HS3ST4: variants seen among roughly 807,000 people sequenced by gnomAD.
HS3ST4 encodes the protein heparan sulfate-glucosamine 3-sulfotransferase 4, also known as heparan sulfate glucosamine 3-O-sulfotransferase 4.
A neutral mutation model predicts 29.2 loss-of-function variants in HS3ST4; 17 were observed. The ratio of observed to expected loss-of-function variants is 0.58; its 90% CI spans 0.40 to 0.87. HS3ST4 has a LOEUF of 0.87. Among genes scored for constraint, HS3ST4 ranks in the 40% least tolerant of loss-of-function variants. The pLI, the probability that HS3ST4 is intolerant of heterozygous loss-of-function variation, is 0.00. For missense variants in HS3ST4, 627 were observed against 634.5 expected, an observed-to-expected ratio of 0.99 and a Z score of 0.13; for synonymous variants, 314 against 285.7, an observed-to-expected ratio of 1.10 and a Z score of -1.00.
At chr16:25,792,750 T>C (rs1295328292) in intron 1 of HS3ST4, among the ~76,000 whole-genome samples, 3 of 151,848 alleles carry the variant, frequency 2.0e-5, no homozygotes, top group African/African-American at 7.2e-5. Flanking sequence ...CAATTTTGTG[T>C]GTCTTTTCAA....
chr16:25,999,213 T>C (rs1969183600), intron 1 of HS3ST4, among the ~76,000 whole-genome samples: 1 of 152,146 alleles, frequency 6.6e-6, no homozygotes, highest in Admixed American at 6.6e-5. Context: ...TGTACACTAA[T>C]TCTAAAGGAC....
At chr16:26,119,105 A>G (rs1315836781) in intron 1 of HS3ST4, among the ~76,000 whole-genome samples, 1 of 152,226 alleles carries the variant, frequency 6.6e-6, no homozygotes, top group Non-Finnish European at 1.5e-5. Flanking sequence ...AGGTTAAGTA[A>G]TGTCCCAGAT....
At chr16:26,108,194 T>C (rs1899081486) in intron 1 of HS3ST4, among the ~76,000 whole-genome samples, 2 of 152,164 alleles carry the variant, frequency 1.3e-5, no homozygotes, top group South Asian at 4.1e-4. Context: ...ATTTCCCTAA[T>C]GGTTAGTGAT....
At chr16:26,028,272 C>CAAAAAAAAAA (rs57920476) in intron 1 of HS3ST4, among the ~76,000 whole-genome samples, 16 of 48,444 alleles carry the variant, frequency 3.3e-4, no homozygotes, top group Admixed American at 4.6e-4. Context: ...GACACCGTCT[C>CAAAAAAAAAA]AAAAAAAAAA....
intron 1 of HS3ST4, among the ~76,000 whole-genome samples, chr16:25,989,378 T>C (rs7191950): frequency 0.073 from 11,062 of 152,258 alleles, 571 homozygotes; most frequent in African/African-American, 0.15. Context: ...TCTATTAATA[T>C]GAGTGATCTG....
At chr16:26,120,071 ATGTG>A (rs59962417) in intron 1 of HS3ST4, among the ~76,000 whole-genome samples, 38 of 135,174 alleles carry the variant, frequency 2.8e-4, no homozygotes, top group East Asian at 2.3e-4. Flanking sequence ...GTGTGTGTGT[ATGTG>A]TGTGTGTGTG....
At chr16:26,043,274 T>C (rs4787807) in intron 1 of HS3ST4, among the ~76,000 whole-genome samples, 21,396 of 152,190 alleles carry the variant, frequency 0.14, 3,928 homozygotes, top group African/African-American at 0.42. Context: ...ACAATCTATT[T>C]ATGGAGGGTT....
intron 1 of HS3ST4, among the ~76,000 whole-genome samples, chr16:25,704,981 C>G (rs1013906000): frequency 6.6e-6 from 1 of 152,074 alleles, no homozygotes; most frequent in Admixed American, 6.6e-5. Flanking sequence ...TGAGGCTTGC[C>G]GAGGTGCTGG....
intron 1 of HS3ST4, chr16:26,029,053 C>T (rs1354841695): frequency 6.6e-6 from 1 of 152,254 alleles, no homozygotes; most frequent in Non-Finnish European, 1.5e-5. Flanking sequence ...GGACTCCACA[C>T]ACATCAACTA....
At chr16:25,715,394 G>C (rs942670182) in intron 1 of HS3ST4, among the ~76,000 whole-genome samples, 1 of 150,498 alleles carries the variant, frequency 6.6e-6, no homozygotes, top group Admixed American at 6.6e-5. Context: ...GCACCTACTG[G>C]CACTGGATAA....
intron 1 of HS3ST4, among the ~76,000 whole-genome samples, chr16:26,054,137 C>A (rs1898378033): frequency 2.6e-5 from 4 of 152,082 alleles, no homozygotes; most frequent in Admixed American, 2.6e-4. Flanking sequence ...ACCAGGTGCC[C>A]TGGGCAAGAG....
intron 1 of HS3ST4, among the ~76,000 whole-genome samples, chr16:25,730,266 T>C (rs992146198): frequency 6.6e-6 from 1 of 152,184 alleles, no homozygotes; most frequent in Non-Finnish European, 1.5e-5. Flanking sequence ...ACTTTGAGCC[T>C]AAACAGTAAG....
intron 1 of HS3ST4, among the ~76,000 whole-genome samples, chr16:25,907,374 G>A (rs1016446257): frequency 9.9e-5 from 15 of 152,132 alleles, no homozygotes; most frequent in Non-Finnish European, 1.9e-4. Flanking sequence ...GGGTAGGGGA[G>A]TCAAAGGTAT....
At chr16:25,984,911 A>T (rs1445147488) in intron 1 of HS3ST4, among the ~76,000 whole-genome samples, 1 of 152,204 alleles carries the variant, frequency 6.6e-6, no homozygotes, top group Non-Finnish European at 1.5e-5. Flanking sequence ...CCAAGATGGC[A>T]AGGTGTGGCA....
intron 1 of HS3ST4, among the ~76,000 whole-genome samples, chr16:26,122,316 C>G (rs1899287294): frequency 6.6e-6 from 1 of 152,076 alleles, no homozygotes; most frequent in Non-Finnish European, 1.5e-5. Context: ...TTCATAGTTA[C>G]TATCTGTCCA....
chr16:26,083,681 C>T (rs981460548), intron 1 of HS3ST4, among the ~76,000 whole-genome samples: 1 of 152,092 alleles, frequency 6.6e-6, no homozygotes, highest in Non-Finnish European at 1.5e-5. Context: ...TTGGCTGGTC[C>T]TTGGTCTAGA....
intron 1 of HS3ST4, among the ~76,000 whole-genome samples, chr16:25,699,126 A>G (rs1966318200): frequency 6.6e-6 from 1 of 152,258 alleles, no homozygotes; most frequent in Admixed American, 6.5e-5. Flanking sequence ...TGTGGGCTGG[A>G]TACAGCCAGC....
Position 26,034,167 on chromosome 16 carries a change from A to G in HS3ST4, c.735-101445A>G, listed in dbSNP as rs114107213. ...GGCTCTGACATCCATAGGTTCCTGG[A>G]AGGAGGACAGAGCAAGGGAGCGACT... On this transcript the variant is annotated intron_variant, in intron 1 of 1. Transcript: ENST00000331351. 4.3e-3 allele frequency among the ~76,000 whole-genome samples: 659 copies of G among 152,178 alleles called. 3 individuals carry two copies. Among genetic ancestry groups the G allele is most frequent in the African/African-American group, 0.015 (637 of 41,518 alleles).
At chr16:25,773,968 A>G (rs543792438) in intron 1 of HS3ST4, among the ~76,000 whole-genome samples, 1 of 151,812 alleles carries the variant, frequency 6.6e-6, no homozygotes, top group South Asian at 2.1e-4. Context: ...ATCACTAGAG[A>G]CTTGTTGCAA....
Sources: gnomAD v4.1 joint callset for allele counts (sites outside exome capture counted in the v4.1 genomes callset) on GRCh38, gnomAD v4.1.1 for gene constraint, MANE v1.5 for transcripts, NCBI Gene and HGNC (gene_info 2026-07-23, HGNC 2026-07-21) for gene names.